HYCC2: variants seen among roughly 807,000 people sequenced by gnomAD.
HYCC2 encodes hyccin PI4KA lipid kinase complex subunit 2.
At chr2:201,022,060 T>C in the HYCC2 span, 19 of 1,289,038 alleles carry the variant, frequency 1.5e-5, no homozygotes, top group Non-Finnish European at 1.9e-5. Context: ...GAGGATTACC[T>C]GAACTTCTTC....
chr2:201,019,393 C>T, the HYCC2 span, among the ~76,000 whole-genome samples: 3 of 151,878 alleles, frequency 2.0e-5, no homozygotes, highest in African/African-American at 4.8e-5. Context: ...TTTTTGTAAG[C>T]GAATGGGGGG....
chr2:200,981,147 CCTAAA>C, the HYCC2 span: 1 of 1,192,302 alleles, frequency 8.4e-7, no homozygotes, highest in South Asian at 1.5e-5. The surrounding 1 kb of genome is among the most constrained non-coding windows in gnomAD (Gnocchi z 4.5). Flanking sequence ...TATGAAGATA[CCTAAA>C]CTAAATGAAA....
the HYCC2 span, chr2:201,024,120 AG>A: frequency 1.3e-6 from 1 of 777,116 alleles, no homozygotes; most frequent in African/African-American, 1.7e-5. Context: ...CCTTTCACCA[AG>A]GAAAATTAAT....
At chr2:201,005,067 A>G in the HYCC2 span, among the ~76,000 whole-genome samples, 1 of 152,110 alleles carries the variant, frequency 6.6e-6, no homozygotes, top group Non-Finnish European at 1.5e-5. Flanking sequence ...GCAAAGAGAC[A>G]TCCTCAGGGT....
chr2:201,009,087 G>A, the HYCC2 span: 2 of 1,593,172 alleles, frequency 1.3e-6, no homozygotes, highest in Non-Finnish European at 1.7e-6. Flanking sequence ...AATTGTTGAA[G>A]GCTACAAAAA....
At chr2:201,001,447 C>T in the HYCC2 span, among the ~76,000 whole-genome samples, 1 of 152,102 alleles carries the variant, frequency 6.6e-6, no homozygotes. Flanking sequence ...GAATGTCCAT[C>T]CACTGATGAA....
the HYCC2 span, chr2:200,975,968 T>A: frequency 9.9e-4 from 151 of 152,248 alleles, no homozygotes; most frequent in African/African-American, 3.3e-3. Context: ...AATATGACCA[T>A]CTTGGCAGGG....
At chr2:201,045,476 AG>A in the HYCC2 span, 1 of 397,784 alleles carries the variant, frequency 2.5e-6, no homozygotes, top group Non-Finnish European at 4.4e-6. Flanking sequence ...TCCTTTAAAA[AG>A]TTAAAGTCTT....
At chr2:201,005,936 C>A in the HYCC2 span, among the ~76,000 whole-genome samples, 2 of 151,640 alleles carry the variant, frequency 1.3e-5, no homozygotes, top group South Asian at 4.2e-4. Context: ...CGGGTTCAAG[C>A]GATTCTCCTG....
chr2:201,050,450 G>A, the HYCC2 span, among the ~76,000 whole-genome samples: 1 of 151,864 alleles, frequency 6.6e-6, no homozygotes, highest in Non-Finnish European at 1.5e-5. Context: ...ACCACACCAA[G>A]CTTATTAAAG....
chr2:201,033,791 G>A, the HYCC2 span, among the ~76,000 whole-genome samples: 30 of 151,794 alleles, frequency 2.0e-4, no homozygotes, highest in African/African-American at 6.0e-4. Context: ...TTCCCATCTC[G>A]GCCTCTCAAA....
chr2:200,978,314 TA>T, the HYCC2 span: 1 of 152,138 alleles, frequency 6.6e-6, no homozygotes, highest in Non-Finnish European at 1.5e-5. Context: ...AGGCTTAGAC[TA>T]AATGAAATGT....
the HYCC2 span, among the ~76,000 whole-genome samples, chr2:201,001,680 AT>A: frequency 2.5e-4 from 37 of 148,040 alleles, no homozygotes; most frequent in South Asian, 8.5e-4. Context: ...TTCTATTTTT[AT>A]TTTTTTTTTT....
chr2:201,020,128 G>A, the HYCC2 span, among the ~76,000 whole-genome samples: 1 of 152,000 alleles, frequency 6.6e-6, no homozygotes, highest in East Asian at 1.9e-4. Context: ...TTAATTTGAA[G>A]CATATGTCTC....
the HYCC2 span, chr2:201,045,379 G>C: frequency 3.0e-5 from 12 of 393,538 alleles, no homozygotes; most frequent in Non-Finnish European, 4.5e-6. Flanking sequence ...CATTATGTTA[G>C]GTAAAACTGC....
chr2:201,025,319 C>A, the HYCC2 span, among the ~76,000 whole-genome samples: 1 of 152,030 alleles, frequency 6.6e-6, no homozygotes, highest in Non-Finnish European at 1.5e-5. Flanking sequence ...ATCAACTATA[C>A]GGCAACCATT....
chr2:201,028,335 A>G, the HYCC2 span, among the ~76,000 whole-genome samples: 11 of 152,352 alleles, frequency 7.2e-5, no homozygotes, highest in Admixed American at 3.3e-4. Flanking sequence ...ATGGAAGAAC[A>G]TTCCATGTTC....
At chr2:200,987,140 C>T in the HYCC2 span, among the ~76,000 whole-genome samples, 1 of 152,276 alleles carries the variant, frequency 6.6e-6, no homozygotes, top group East Asian at 1.9e-4. Flanking sequence ...TCCTTGATTA[C>T]ACAGGGATGC....
At chr2:201,003,036 A>C in the HYCC2 span, among the ~76,000 whole-genome samples, 3 of 152,350 alleles carry the variant, frequency 2.0e-5, no homozygotes, top group South Asian at 6.2e-4. Context: ...CATTAAAAAG[A>C]ATAAGATATC....
Sources: allele counts gnomAD v4.1 joint callset (sites outside exome capture counted in the v4.1 genomes callset), GRCh38; gene constraint gnomAD v4.1.1; non-coding constraint Gnocchi (gnomAD v3.1); transcripts MANE v1.5; gene names NCBI Gene and HGNC (gene_info 2026-07-23, HGNC 2026-07-21).